The following OPHN1 variants were observed in gnomAD, a reference collection of about 807,000 sequenced individuals.
OPHN1 encodes the protein oligophrenin-1.
In OPHN1, 11 loss-of-function variants were observed where a neutral mutation model predicts 60.7. The ratio of observed to expected loss-of-function variants is 0.18; its 90% confidence interval spans 0.11 to 0.30. The LOEUF is 0.30. Among genes scored for constraint, OPHN1 ranks in the 10% least tolerant of loss-of-function variants. OPHN1 has a pLI of 1.00. For missense variants in OPHN1, 449 were observed against 611.0 expected, an observed-to-expected ratio of 0.73 and a Z score of 2.80; for synonymous variants, 226 against 222.6, an observed-to-expected ratio of 1.02 and a Z score of -0.14.
intron 15 of OPHN1, among the ~76,000 whole-genome samples, chrX:68,127,475 G>A (rs1169156690): frequency 9.0e-6 from 1 of 111,731 alleles, no homozygotes; most frequent in African/African-American, 3.3e-5. Flanking sequence ...CAGAGAAGGT[G>A]GGGAGCGCTG....
chrX:68,138,111 C>T (rs2077228415), intron 15 of OPHN1, among the ~76,000 whole-genome samples: 1 of 111,970 alleles, frequency 8.9e-6, no homozygotes, highest in Non-Finnish European at 1.9e-5. Context: ...CATGTCTACA[C>T]AGTCCCCAGG....
chrX:68,081,957 C>A (rs2076976045), intron 19 of OPHN1, among the ~76,000 whole-genome samples: 1 of 112,357 alleles, frequency 8.9e-6, no homozygotes, highest in East Asian at 2.8e-4. Flanking sequence ...CTTTAGTAAA[C>A]CAAGTTTATG....
chrX:68,362,983 C>A (rs932652960), intron 2 of OPHN1, among the ~76,000 whole-genome samples: 2 of 110,946 alleles, frequency 1.8e-5, no homozygotes, highest in Non-Finnish European at 3.8e-5. Context: ...TGCGGTGGCT[C>A]ACATCTGAAA....
intron 5 of OPHN1, among the ~76,000 whole-genome samples, chrX:68,270,162 C>A (rs1351190458): frequency 2.3e-4 from 26 of 111,090 alleles, no homozygotes; most frequent in Non-Finnish European, 3.8e-4. Context: ...TAGTTCAACC[C>A]TTGTGGAAGT....
At chrX:68,298,413 C>T (rs5918825) in intron 3 of OPHN1, among the ~76,000 whole-genome samples, 12,817 of 111,584 alleles carry the variant, frequency 0.11, 759 homozygotes, top group Middle Eastern at 0.23. Flanking sequence ...ATAATACAAA[C>T]GCAAACTTCT....
intron 2 of OPHN1, among the ~76,000 whole-genome samples, chrX:68,315,125 A>G (rs2147650741): frequency 9.1e-6 from 1 of 110,387 alleles, no homozygotes; most frequent in South Asian, 4.0e-4. Flanking sequence ...AAGCAGAAGG[A>G]TCAATTGAGC....
chrX:68,203,953 C>G (rs140136455), intron 10 of OPHN1, among the ~76,000 whole-genome samples: 1 of 112,824 alleles, frequency 8.9e-6, no homozygotes, highest in Non-Finnish European at 1.9e-5. Flanking sequence ...TTAATTTCAC[C>G]ACTTGACTAG....
intron 19 of OPHN1, among the ~76,000 whole-genome samples, chrX:68,081,195 G>T (rs999510110): frequency 5.4e-5 from 6 of 111,480 alleles, no homozygotes; most frequent in African/African-American, 2.0e-4. Flanking sequence ...TTAAATAATA[G>T]AACTTTTTTT....
intron 2 of OPHN1, among the ~76,000 whole-genome samples, chrX:68,320,517 C>CT (rs950761252): frequency 1.8e-5 from 2 of 110,590 alleles, no homozygotes; most frequent in Admixed American, 1.9e-4. Context: ...CTAGAAAACA[C>CT]TTTGACAGTT....
chrX:68,167,158 A>T (rs888526120), intron 15 of OPHN1, among the ~76,000 whole-genome samples: 3 of 111,946 alleles, frequency 2.7e-5, no homozygotes, highest in Non-Finnish European at 5.6e-5. Context: ...TAGTCAGGGT[A>T]TATAAGGAGC....
chrX:68,359,392 T>A (rs1237094136), intron 2 of OPHN1, among the ~76,000 whole-genome samples: 1 of 111,611 alleles, frequency 9.0e-6, no homozygotes, highest in Non-Finnish European at 1.9e-5. Context: ...TTTCTGTTTT[T>A]GTGAGGCAGC....
intron 2 of OPHN1, among the ~76,000 whole-genome samples, chrX:68,406,656 T>C (rs1181906838): frequency 9.0e-6 from 1 of 111,680 alleles, no homozygotes; most frequent in Non-Finnish European, 1.9e-5. Flanking sequence ...CTACTATGCA[T>C]ATGTAATAAA....
chrX:68,094,974 G>T (rs932908273), intron 19 of OPHN1, among the ~76,000 whole-genome samples: 4 of 110,548 alleles, frequency 3.6e-5, no homozygotes, highest in African/African-American at 1.3e-4. Flanking sequence ...TTCTCTGTGA[G>T]GCCCTCCTCA....
At chrX:68,052,883 AT>A (rs1266169859) in intron 22 of OPHN1, among the ~76,000 whole-genome samples, 1 of 112,514 alleles carries the variant, frequency 8.9e-6, no homozygotes, top group Non-Finnish European at 1.9e-5. Flanking sequence ...TCAAAGTATA[AT>A]TGTTGGCTTT....
intron 3 of OPHN1, among the ~76,000 whole-genome samples, chrX:68,290,776 A>T (rs1241893872): frequency 2.0e-5 from 2 of 99,688 alleles, no homozygotes; most frequent in African/African-American, 3.7e-5. Context: ...AACCCTGATT[A>T]AAAAAAAAAA....
intron 2 of OPHN1, among the ~76,000 whole-genome samples, chrX:68,419,067 G>C (rs1384310556): frequency 9.1e-6 from 1 of 110,340 alleles, no homozygotes; most frequent in Admixed American, 9.7e-5. Flanking sequence ...GAGTGCAGTG[G>C]TGCGATCTCG....
intron 15 of OPHN1, among the ~76,000 whole-genome samples, chrX:68,137,012 G>A (rs957844046): frequency 8.9e-6 from 1 of 111,908 alleles, no homozygotes; most frequent in African/African-American, 3.2e-5. Flanking sequence ...GCATTTGCCA[G>A]GACCAACTCT....
At chrX:68,179,661 TCCTC>T in intron 15 of OPHN1, among the ~76,000 whole-genome samples, 1 of 112,006 alleles carries the variant, frequency 8.9e-6, no homozygotes, top group African/African-American at 3.2e-5. Context: ...TCCTGATGTT[TCCTC>T]TTAGCATTTC....
chrX:68,188,374 C>T (rs1444494547), intron 15 of OPHN1, among the ~76,000 whole-genome samples: 1 of 111,850 alleles, frequency 8.9e-6, no homozygotes, highest in Non-Finnish European at 1.9e-5. Flanking sequence ...AGTAAATATC[C>T]ATTGATAAAT....
Sources: allele counts gnomAD v4.1 joint callset (sites outside exome capture counted in the v4.1 genomes callset), GRCh38; gene constraint gnomAD v4.1.1; transcripts MANE v1.5; gene names NCBI Gene and HGNC (gene_info 2026-07-23, HGNC 2026-07-21).